The following WEE1 variants were observed in gnomAD, a reference collection of about 807,000 sequenced individuals.
The protein encoded by WEE1 is wee1-like protein kinase.
Under a neutral mutation model 68.8 loss-of-function variants are expected in WEE1, and 16 were observed. That is an observed-to-expected ratio of 0.23 (90% CI 0.16 to 0.35). The LOEUF is 0.35. WEE1 is among the 10% of genes least tolerant of loss of function. The pLI is 1.00. For missense variants in WEE1, 651 were observed against 824.1 expected, an observed-to-expected ratio of 0.79 and a Z score of 2.57; for synonymous variants, 349 against 318.7, an observed-to-expected ratio of 1.09 and a Z score of -1.01.
At chr11:9,575,350 T>A (rs1849554058) in intron 1 of WEE1, 2 of 990,336 alleles carry the variant, frequency 2.0e-6, no homozygotes, top group African/African-American at 3.5e-5. Context: ...ATTTGTAAGG[T>A]TAACAGGGAA....
Position 9,576,544 on chromosome 11 carries a change from C to G in WEE1, c.904C>G (p.Leu302Val). Reference sequence around the variant, plus strand: ...CCGGTATACAACAGAATTTCATGAGCTAGAGAAAATCGGCTCTGGAGAATT... The same window carrying G: ...CCGGTATACAACAGAATTTCATGAGGTAGAGAAAATCGGCTCTGGAGAATT... ...KSRYTTEFHE[L>V]EKIGSGEFGS... The change falls in exon 4 of 11, where the codon CTA becomes GTA. Residue 302 changes from leucine to valine, a missense_variant. Physicochemically the swap from Leu to Val is conservative, Grantham distance 32. Around this residue, in one of 5 missense-constraint regions of WEE1, gnomAD observed 41 missense variants for 125.6 expected, o/e 0.33. Coordinates refer to ENST00000450114, the MANE Select transcript of WEE1 (RefSeq NM_003390.4). The surrounding 1 kb of genome is among the most constrained non-coding windows in gnomAD (Gnocchi z 4.3). 1 of 1,613,946 alleles carries G rather than the reference C, an allele frequency of 6.2e-7. No individual in the cohort carries two copies. Among genetic ancestry groups the G allele is most frequent in the Non-Finnish European group, 8.5e-7 (1 of 1,179,932 alleles).
At chr11:9,575,559 T>A (rs1416480162) in intron 1 of WEE1, 2 of 344,040 alleles carry the variant, frequency 5.8e-6, no homozygotes, top group African/African-American at 4.4e-5. Context: ...TTTATGGGGC[T>A]CTCGGACTGC....
chr11:9,585,296 G>C lies in WEE1; in HGVS notation c.1327G>C (p.Ala443Pro). The part of the protein sequence containing the change: ...FISRTSIPNA[A>P]SEEGDEDDWA... Reference sequence around the variant, plus strand: ...ATCTCGAACCTCAATCCCAAATGCTGCCTCTGAAGAAGGAGACGAAGATGA... The same window carrying C: ...ATCTCGAACCTCAATCCCAAATGCTCCCTCTGAAGAAGGAGACGAAGATGA... Residue 443 changes from alanine to proline, a missense_variant, in exon 7 of 11, where the codon GCC becomes CCC. By Grantham distance (27) the Ala-to-Pro change is conservative (BLOSUM62 -1). Around this residue, in one of 5 missense-constraint regions of WEE1, gnomAD observed 82 missense variants for 123.2 expected, o/e 0.67. Transcript: ENST00000450114. 6.2e-7 allele frequency: 1 copy of C among 1,614,122 alleles called. No homozygotes were observed. The highest frequency in any genetic ancestry group is 8.5e-7 in the Non-Finnish European group (1 of 1,180,014).
intron 1 of WEE1, chr11:9,575,527 A>G (rs1332162423): frequency 4.2e-6 from 2 of 472,464 alleles, no homozygotes; most frequent in East Asian, 9.7e-5. Context: ...TGGAAGCCCT[A>G]TCTAGATGGG....
chr11:9,577,388 C>G, intron 5 of WEE1, 125 bp downstream of exon 5: 3 of 1,255,954 alleles, frequency 2.4e-6, no homozygotes, highest in Non-Finnish European at 3.3e-6. Flanking sequence ...GATCAGAGAC[C>G]TAACATAAAT....
chr11:9,573,752 G>A lies in WEE1; in HGVS notation c.-182G>A, dbSNP rs1299540243. ...CCGCCTCTGCCGGAAAGTCCGCGCC[G>A]CCGCTGCCGCCACCGTCCGCAGCCC... On this transcript the variant is annotated 5_prime_UTR_variant, in exon 1 of 11. Transcript: ENST00000450114. 3 of 297,518 alleles carry A rather than the reference G, an allele frequency of 1.0e-5. No homozygotes were observed. The highest frequency in any genetic ancestry group is 1.3e-3 in the Middle Eastern group (1 of 798). The allele number at this position is 297,518 out of a possible 1,614,324, so 18.4% of individuals were successfully genotyped here. A position where few individuals can be genotyped will look rare whatever the true frequency, so the allele number is the denominator to read the frequency against.
chr11:9,586,953 G>A (rs910921389), intron 10 of WEE1, 97 bp downstream of exon 10: 5 of 1,376,232 alleles, frequency 3.6e-6, no homozygotes, highest in Middle Eastern at 1.9e-4. Context: ...AACAAAGGAT[G>A]TAGTGGTTTT....
chr11:9,575,098 A>G (rs1369687153), intron 1 of WEE1: 1 of 985,416 alleles, frequency 1.0e-6, no homozygotes, highest in Non-Finnish European at 1.2e-6. Flanking sequence ...AAGTCCAGGC[A>G]GTACTGAGGC....
intron 5 of WEE1, chr11:9,579,799 G>C (rs1849605084): frequency 6.6e-6 from 1 of 152,090 alleles, no homozygotes; most frequent in South Asian, 2.1e-4. Context: ...ACATACTTAA[G>C]ACTAAGATAC....
Position 9,574,466 on chromosome 11 carries a change from C to A in WEE1, c.533C>A (p.Thr178Asn). The A allele has an allele frequency of 7.9e-7, 1 of 1,260,366 alleles. No homozygotes were observed. The highest frequency in any genetic ancestry group is 2.7e-5 in the South Asian group (1 of 37,644). 78.1% of individuals were successfully genotyped at this position (1,260,366 alleles called of 1,614,324 possible). ...CACCCGGGCACCCCGCCACACAAGA[C>A]CTTCCGCAAGCTGCGACTCTTCGAC... Reference protein sequence around the residue: ...PDHPGTPPHKTFRKLRLFDTP... With the variant: ...PDHPGTPPHKNFRKLRLFDTP... Residue 178 changes from threonine to asparagine, a missense_variant, in exon 1 of 11, where the codon ACC (threonine) becomes AAC (asparagine). Around this residue, in one of 5 missense-constraint regions of WEE1, gnomAD observed 395 missense variants for 378.4 expected, o/e 1.04. Coordinates refer to ENST00000450114, the MANE Select transcript of WEE1 (RefSeq NM_003390.4). The surrounding 1 kb of genome is among the most constrained non-coding windows in gnomAD (Gnocchi z 4.9).
Position 9,589,073 on chromosome 11 carries a change from C to T in WEE1, c.*471C>T. The T allele has an allele frequency of 1.7e-5, 17 of 985,406 alleles. No homozygotes were observed. Among genetic ancestry groups the T allele is most frequent in the Non-Finnish European group, 2.0e-5 (17 of 829,864 alleles). The allele number at this position is 985,406 out of a possible 1,614,324, so 61.0% of individuals were successfully genotyped here. On this transcript the variant is annotated 3_prime_UTR_variant, in exon 11 of 11. Transcript: ENST00000450114. ...TAATTGTGAATTAGACTTGTATATC[C>T]CACTGGGAGCACTTTGTAGGCATTG...
intron 6 of WEE1, among the ~76,000 whole-genome samples, chr11:9,584,159 A>G (rs556696977): frequency 2.8e-4 from 42 of 151,432 alleles, no homozygotes; most frequent in African/African-American, 9.5e-4. Context: ...TTTTTTAGAG[A>G]TAGTCTCACT....
At chr11:9,580,864 C>G (rs1849619946) in intron 5 of WEE1, 1 of 152,152 alleles carries the variant, frequency 6.6e-6, no homozygotes, top group Non-Finnish European at 1.5e-5. Flanking sequence ...TGAACATATG[C>G]TGTTATTTAT....
chr11:9,573,831 A>AGGCGCGCCCAGCCGCACGTGGCG lies in WEE1; in HGVS notation c.-101_-79dup. The AGGCGCGCCCAGCCGCACGTGGCG allele has an allele frequency of 1.0e-6, 1 of 961,752 alleles. No individual in the cohort carries two copies. Among genetic ancestry groups the AGGCGCGCCCAGCCGCACGTGGCG allele is most frequent in the Non-Finnish European group, 1.3e-6 (1 of 761,378 alleles). 59.6% of individuals were successfully genotyped at this position (961,752 alleles called of 1,614,324 possible). On this transcript the variant is annotated 5_prime_UTR_variant, in exon 1 of 11. Transcript: ENST00000450114. ...GCGCAGAGACGCCGCGGCTGCGACT[A>AGGCGCGCCCAGCCGCACGTGGCG]GGCGCGCCCAGCCGCACGTGGCGGA...
Position 9,575,943 on chromosome 11 carries a change from G to C in WEE1, c.632G>C (p.Ser211Thr). ...IDSSSVKLRG[S>T]SLFMDTEKSG... ...TCCAGCTCTGTTAAACTCCGGGGTA[G>C]TTCTCTCTTCATGGATACAGAAAAA... The change falls in exon 2 of 11, where the codon AGT (serine) becomes ACT (threonine). Residue 211 changes from serine (S) to threonine (T), a missense_variant. Physicochemically the swap from Ser to Thr is moderately conservative, Grantham distance 58. Coordinates refer to ENST00000450114, the MANE Select transcript of WEE1 (RefSeq NM_003390.4). 6.2e-7 allele frequency: 1 copy of C among 1,614,134 alleles called. No individual in the cohort carries two copies. Among genetic ancestry groups the C allele is most frequent in the Non-Finnish European group, 8.5e-7 (1 of 1,180,022 alleles).
chr11:9,585,332 A>C lies in WEE1; in HGVS notation c.1363A>C (p.Asn455His), dbSNP rs140162029. The change falls in exon 7 of 11, where the codon AAC becomes CAC. Residue 455 changes from asparagine (N) to histidine (H), a missense_variant. Asn to His is a moderately conservative substitution (Grantham distance 68, BLOSUM62 1). Transcript: ENST00000450114. ...AGGAGACGAAGATGATTGGGCATCC[A>C]ACAAAGTTATGTTTAAAATAGGTAA... is the stretch of plus-strand genomic sequence containing the variant. Reference protein sequence around the residue: ...EEGDEDDWASNKVMFKIGDLG... With the variant: ...EEGDEDDWASHKVMFKIGDLG... The C allele has an allele frequency of 1.9e-4, 299 of 1,614,102 alleles. 2 individuals are homozygous for C. In the East Asian group the frequency reaches 6.4e-3, roughly 35 times the overall value.
intron 5 of WEE1, chr11:9,577,659 T>C (rs1487246538): frequency 3.1e-6 from 1 of 327,656 alleles, no homozygotes; most frequent in Non-Finnish European, 5.9e-6. Flanking sequence ...CTAAAACTGA[T>C]GTTTGTTAGT....
Position 9,585,366 on chromosome 11 carries a change from A to G in WEE1, c.1384+13A>G. On this transcript the variant is annotated intron_variant, in intron 7 of 10. Transcript: ENST00000450114. ...ATGTTTAAAATAGGTAAGAAAGGTA[A>G]TCAGATTATTACCTTCAGATAAAGA... is the stretch of plus-strand genomic sequence containing the variant. 1.2e-6 allele frequency: 2 copies of G among 1,612,384 alleles called. No individual in the cohort carries two copies. Among genetic ancestry groups the G allele is most frequent in the African/African-American group, 1.3e-5 (1 of 74,986 alleles).
At position 9,588,726 on chromosome 11, in the gene WEE1, T is replaced by C. The variant is rs1489489945; in HGVS notation, c.*124T>C. ...TCAGTAGTTTTACTGATTAGGACTT[T>C]TATTGTGAATTACAGTTGAAAGCTG... is the stretch of plus-strand genomic sequence containing the variant. On this transcript the variant is annotated 3_prime_UTR_variant, in exon 11 of 11. Coordinates refer to ENST00000450114, the MANE Select transcript of WEE1 (RefSeq NM_003390.4). 1.0e-5 allele frequency: 14 copies of C among 1,361,362 alleles called. No individual in the cohort carries two copies. The Admixed American group carries it at 4.4e-4, about 43-fold the overall frequency. The allele number at this position is 1,361,362 out of a possible 1,614,324, so 84.3% of individuals were successfully genotyped here. A position where few individuals can be genotyped will look rare whatever the true frequency, so the allele number is the denominator to read the frequency against.
Sources: allele counts gnomAD v4.1 joint callset (sites outside exome capture counted in the v4.1 genomes callset), GRCh38; gene constraint gnomAD v4.1.1; regional missense constraint gnomAD v4.1.1; non-coding constraint Gnocchi (gnomAD v3.1); transcripts MANE v1.5; gene names NCBI Gene and HGNC (gene_info 2026-07-23, HGNC 2026-07-21).